The following AK5 variants were observed in gnomAD, a reference collection of about 807,000 sequenced individuals.
AK5 encodes adenylate kinase isoenzyme 5.
A neutral mutation model predicts 69.5 loss-of-function variants in AK5; 27 were observed. The ratio of observed to expected loss-of-function variants is 0.39; its 90% CI spans 0.29 to 0.54. The LOEUF is 0.54. Among genes scored for constraint, AK5 ranks in the 20% least tolerant of loss-of-function variants. AK5 has a pLI of 0.71. For synonymous variants in AK5, 260 were observed against 244.4 expected, an observed-to-expected ratio of 1.06 and a Z score of -0.60; for missense variants, 531 against 700.4, an observed-to-expected ratio of 0.76 and a Z score of 2.73.
At chr1:77,459,401 G>C (rs1256463648) in intron 8 of AK5, among the ~76,000 whole-genome samples, 1 of 151,978 alleles carries the variant, frequency 6.6e-6, no homozygotes, top group Non-Finnish European at 1.5e-5. Flanking sequence ...TTATTTCTCT[G>C]TGTGCCCCAC....
intron 13 of AK5, among the ~76,000 whole-genome samples, chr1:77,538,834 A>G (rs971143475): frequency 3.9e-5 from 6 of 152,208 alleles, no homozygotes; most frequent in Admixed American, 3.3e-4. Context: ...TCGTGAGTAC[A>G]GGGTTGAGTT....
At chr1:77,472,433 C>T (rs888690038) in intron 8 of AK5, among the ~76,000 whole-genome samples, 1 of 152,196 alleles carries the variant, frequency 6.6e-6, no homozygotes, top group African/African-American at 2.4e-5. Context: ...AAACCTCTTT[C>T]TCCCAAAGTC....
Position 77,352,170 on chromosome 1 carries a change from C to T in AK5, c.891+11602C>T, listed in dbSNP as rs187403523. 4.6e-5 allele frequency among the ~76,000 whole-genome samples: 7 copies of T among 152,182 alleles called. No homozygotes were observed. In the South Asian group the frequency reaches 6.2e-4, roughly 14 times the overall value. On this transcript the variant is annotated intron_variant, in intron 6 of 13. Transcript: ENST00000354567. ...GTCTCGAACTCCTGACCTTGTGATC[C>T]GCCCACCTTGGCCTCCCAAAGTGCT...
intron 2 of AK5, 100 bp downstream of exon 2, chr1:77,287,227 A>G (rs937622024): frequency 1.8e-5 from 15 of 818,138 alleles, no homozygotes; most frequent in Middle Eastern, 3.2e-4. Flanking sequence ...TTTTGAGTTT[A>G]TAAATGCCTG....
At chr1:77,384,426 T>A (rs1227400625) in intron 6 of AK5, among the ~76,000 whole-genome samples, 1 of 152,202 alleles carries the variant, frequency 6.6e-6, no homozygotes, top group Admixed American at 6.5e-5. Context: ...CTGGACACTT[T>A]ATAGATATTA....
At chr1:77,417,257 C>T (rs570415707) in intron 7 of AK5, among the ~76,000 whole-genome samples, 1 of 152,122 alleles carries the variant, frequency 6.6e-6, no homozygotes, top group Non-Finnish European at 1.5e-5. Context: ...ACTGCTCCCC[C>T]TCCTGGACAA....
intron 13 of AK5, 41 bp downstream of exon 13, chr1:77,536,079 C>CA: frequency 2.3e-5 from 29 of 1,263,074 alleles, no homozygotes; most frequent in South Asian, 3.0e-5. Flanking sequence ...AGCCGCTTAC[C>CA]TTTTTTTTTT....
Position 77,388,645 on chromosome 1 carries a change from C to T in AK5, c.892-22336C>T, listed in dbSNP as rs532358960. 3.3e-5 allele frequency among the ~76,000 whole-genome samples: 5 copies of T among 151,186 alleles called. No homozygotes were observed. The East Asian group carries it at 5.8e-4, about 18-fold the overall frequency. On this transcript the variant is annotated intron_variant, in intron 6 of 13. Transcript: ENST00000354567. ...AACTATGATAATTCAGAATGAAAAA[C>T]GTGGGAGAAATACCTTTAAAATGTT...
chr1:77,410,900 T>G, intron 6 of AK5, 81 bp from the exon 7 acceptor site: 1 of 1,028,510 alleles, frequency 9.7e-7, no homozygotes, highest in Non-Finnish European at 1.5e-6. Context: ...TACAGTTGTG[T>G]GATGGATGCT....
At chr1:77,456,861 G>A (rs956145037) in intron 8 of AK5, among the ~76,000 whole-genome samples, 11 of 150,250 alleles carry the variant, frequency 7.3e-5, no homozygotes, top group African/African-American at 2.7e-4. Flanking sequence ...TCTGGGGTCT[G>A]TTGTCTTCCT....
intron 12 of AK5, among the ~76,000 whole-genome samples, 195 bp from the exon 13 acceptor site, chr1:77,535,652 T>G (rs931167669): frequency 6.6e-6 from 1 of 152,124 alleles, no homozygotes; most frequent in African/African-American, 2.4e-5. Flanking sequence ...GAGACAGCTC[T>G]GAGGCAGTGT....
At chr1:77,410,387 C>T (rs1300770947) in intron 6 of AK5, among the ~76,000 whole-genome samples, 3 of 151,976 alleles carry the variant, frequency 2.0e-5, no homozygotes, top group African/African-American at 7.3e-5. Context: ...AAGTGATTCT[C>T]GTGCCTCAGC....
At chr1:77,539,878 A>C (rs1295133970) in intron 13 of AK5, among the ~76,000 whole-genome samples, 2 of 152,200 alleles carry the variant, frequency 1.3e-5, no homozygotes. Context: ...TGGGTCACTT[A>C]AGGAGCTTTC....
intron 6 of AK5, among the ~76,000 whole-genome samples, chr1:77,359,036 A>G (rs1170587837): frequency 1.3e-5 from 2 of 151,984 alleles, no homozygotes; most frequent in African/African-American, 4.8e-5. Flanking sequence ...CGGGCGGATC[A>G]CGAGGTCAGG....
chr1:77,387,987 T>C (rs1648141998), intron 6 of AK5, among the ~76,000 whole-genome samples: 1 of 152,256 alleles, frequency 6.6e-6, no homozygotes, highest in Admixed American at 6.5e-5. Context: ...CTGGATACTT[T>C]TGTCTAACAT....
chr1:77,317,271 A>G (rs1055941635), intron 5 of AK5, among the ~76,000 whole-genome samples: 1 of 152,162 alleles, frequency 6.6e-6, no homozygotes, highest in Non-Finnish European at 1.5e-5. Flanking sequence ...TCAGGGCTCT[A>G]AAGGCATTAA....
chr1:77,545,675 A>G (rs1659506640), intron 13 of AK5, among the ~76,000 whole-genome samples: 1 of 152,174 alleles, frequency 6.6e-6, no homozygotes, highest in South Asian at 2.1e-4. Flanking sequence ...AAGTATAACA[A>G]GTAAAACAAG....
At chr1:77,534,915 G>A (rs1281865258) in intron 12 of AK5, among the ~76,000 whole-genome samples, 5 of 152,298 alleles carry the variant, frequency 3.3e-5, no homozygotes, top group African/African-American at 9.6e-5. Context: ...GGGGCTCAGC[G>A]GGCTGGTTCT....
chr1:77,515,535 G>A (rs1657586092), intron 10 of AK5, among the ~76,000 whole-genome samples: 1 of 152,202 alleles, frequency 6.6e-6, no homozygotes, highest in Admixed American at 6.5e-5. Context: ...CACTTACGAT[G>A]TGCAAAGTGC....
Sources: allele counts gnomAD v4.1 joint callset (sites outside exome capture counted in the v4.1 genomes callset), GRCh38; gene constraint gnomAD v4.1.1; transcripts MANE v1.5; gene names NCBI Gene and HGNC (gene_info 2026-07-23, HGNC 2026-07-21).